CMTM7: variants seen among roughly 807,000 people sequenced by gnomAD.
The protein encoded by CMTM7 is CKLF-like MARVEL transmembrane domain-containing protein 7.
Under a neutral mutation model 19.3 loss-of-function variants are expected in CMTM7, and 7 were observed. The ratio of observed to expected loss-of-function variants is 0.36; its 90% CI spans 0.21 to 0.68. The LOEUF is 0.68. CMTM7 is among the 30% of genes least tolerant of loss of function. The probability of loss-of-function intolerance (pLI) is 0.60; values close to 1 mark genes in which losing one functional copy is unlikely to be tolerated. For missense variants in CMTM7, 193 were observed against 232.6 expected (o/e 0.83, Z 1.11); for synonymous variants, 87 against 99.3 (o/e 0.88, Z 0.74).
rs992031168 is a variant in CMTM7, at chr3:32,427,614, G to C, written c.160-14226G>C. On this transcript the variant is annotated intron_variant, in intron 1 of 4. Coordinates refer to ENST00000334983, the MANE Select transcript of CMTM7 (RefSeq NM_138410.4). ...ACTAGCCCATTATAAAGGCTTAGTA[G>C]TCACAGGAGGCCATGGGCTGCCATA... 4.7e-4 allele frequency among the ~76,000 whole-genome samples: 71 copies of C among 152,328 alleles called. 1 individual carries two copies. The highest frequency in any genetic ancestry group is 1.7e-3 in the African/African-American group (70 of 41,572).
At chr3:32,425,506 AT>A (rs906556841) in intron 1 of CMTM7, among the ~76,000 whole-genome samples, 4 of 147,046 alleles carry the variant, frequency 2.7e-5, no homozygotes, top group Non-Finnish European at 4.5e-5. Context: ...AAAAAAAAAA[AT>A]AAAAGAGCAT....
intron 1 of CMTM7, among the ~76,000 whole-genome samples, chr3:32,400,380 CT>C (rs1014352592): frequency 7.2e-6 from 1 of 138,012 alleles, no homozygotes; most frequent in African/African-American, 2.7e-5. Context: ...AAATGCTTTT[CT>C]TTTTTTTTCT....
chr3:32,404,971 G>T (rs1696067917), intron 1 of CMTM7, among the ~76,000 whole-genome samples: 1 of 152,234 alleles, frequency 6.6e-6, no homozygotes, highest in African/African-American at 2.4e-5. Context: ...CTCTGAAGAA[G>T]TGAACTGCCT....
chr3:32,440,070 TACACACAC>T lies in CMTM7; in HGVS notation c.160-1741_160-1734del, dbSNP rs10526471. Among the ~76,000 whole-genome samples, 1,362 of 150,154 alleles carry T rather than the reference TACACACAC, an allele frequency of 9.1e-3. 18 individuals carry two copies. The highest frequency in any genetic ancestry group is 0.025 in the African/African-American group (1,036 of 40,802). ...CACCCATACACTAACACCACACGCA[TACACACAC>T]ACACACACACACACACACACACACA... On this transcript the variant is annotated intron_variant, in intron 1 of 4. Coordinates refer to ENST00000334983, the MANE Select transcript of CMTM7 (RefSeq NM_138410.4).
At chr3:32,395,827 T>C (rs1173333198) in intron 1 of CMTM7, among the ~76,000 whole-genome samples, 6 of 152,256 alleles carry the variant, frequency 3.9e-5, no homozygotes, top group East Asian at 1.9e-4. Flanking sequence ...CACATTCATA[T>C]GTGTTCATAA....
chr3:32,442,042 G>T (rs201703800), intron 2 of CMTM7, 29 bp downstream of exon 2: 39 of 1,603,444 alleles, frequency 2.4e-5, no homozygotes, highest in Non-Finnish European at 3.1e-5. Flanking sequence ...CCTGTCCTCC[G>T]CATGCACAAG....
chr3:32,435,388 G>A (rs1696583474), intron 1 of CMTM7, among the ~76,000 whole-genome samples: 1 of 152,086 alleles, frequency 6.6e-6, no homozygotes, highest in Admixed American at 6.5e-5. Flanking sequence ...TGGGCGACTG[G>A]GAGAGACTCC....
At chr3:32,395,250 C>T (rs1401695722) in intron 1 of CMTM7, among the ~76,000 whole-genome samples, 2 of 152,156 alleles carry the variant, frequency 1.3e-5, no homozygotes, top group Admixed American at 1.3e-4. Flanking sequence ...AGGGATCTGT[C>T]CACCTCGGCC....
chr3:32,453,073 C>T (rs1454080316), intron 4 of CMTM7, among the ~76,000 whole-genome samples: 1 of 151,410 alleles, frequency 6.6e-6, no homozygotes, highest in Non-Finnish European at 1.5e-5. Context: ...ACCCAGCCAG[C>T]TTTTTCTTAA....
chr3:32,399,127 A>C (rs143705350), intron 1 of CMTM7, among the ~76,000 whole-genome samples: 314 of 152,302 alleles, frequency 2.1e-3, no homozygotes, highest in Non-Finnish European at 3.6e-3. Context: ...GGGTCTGCCA[A>C]ATCTTGGTGA....
rs139474650 is a variant in CMTM7 at position 32,432,223 on chromosome 3, T to C, written c.160-9617T>C. 2.7e-4 allele frequency among the ~76,000 whole-genome samples: 41 copies of C among 152,366 alleles called. No homozygotes were observed. The East Asian group carries it at 7.7e-3, about 29-fold the overall frequency. ...CCTGGCCACAGTTGTGAGGATTAAA[T>C]GTACCAGCATTGCACTGCCTGGTAC... On this transcript the variant is annotated intron_variant, in intron 1 of 4. Transcript: ENST00000334983.
intron 1 of CMTM7, among the ~76,000 whole-genome samples, chr3:32,431,759 C>T (rs1328990234): frequency 6.6e-6 from 1 of 152,232 alleles, no homozygotes; most frequent in African/African-American, 2.4e-5. Flanking sequence ...GAGCAAATTA[C>T]TTGACCTTGT....
intron 1 of CMTM7, among the ~76,000 whole-genome samples, chr3:32,438,700 T>C (rs777092408): frequency 6.6e-6 from 1 of 152,226 alleles, no homozygotes. Flanking sequence ...TGTTATTTCA[T>C]GAGCAAGTTT....
At chr3:32,397,666 A>C (rs1169346696) in intron 1 of CMTM7, among the ~76,000 whole-genome samples, 1 of 152,070 alleles carries the variant, frequency 6.6e-6, no homozygotes, top group Non-Finnish European at 1.5e-5. Context: ...CCCGGGAGGC[A>C]GAGGTTGCGG....
chr3:32,426,592 A>AT lies in CMTM7; in HGVS notation c.160-15238dup, dbSNP rs371507258. The stretch of plus-strand genomic sequence containing the variant: ...GGTGGAGTTACAACTTCTATGCCTG[A>AT]TTTTTTTTTTCTTTGCTAGGTGAAC... On this transcript the variant is annotated intron_variant, in intron 1 of 4. Transcript: ENST00000334983. Among the ~76,000 whole-genome samples, 1,470 of 149,750 alleles carry AT rather than the reference A, an allele frequency of 9.8e-3. 27 individuals carry two copies. Among genetic ancestry groups the AT allele is most frequent in the African/African-American group, 0.034 (1,380 of 40,804 alleles).
chr3:32,395,774 C>T (rs906746056), intron 1 of CMTM7, among the ~76,000 whole-genome samples: 1 of 152,198 alleles, frequency 6.6e-6, no homozygotes, highest in Non-Finnish European at 1.5e-5. Context: ...CTACTCCCAG[C>T]TCTACCCAAG....
chr3:32,416,861 G>T (rs1225302323), intron 1 of CMTM7, among the ~76,000 whole-genome samples: 1 of 152,148 alleles, frequency 6.6e-6, no homozygotes, highest in Non-Finnish European at 1.5e-5. Flanking sequence ...GAAATGAAGT[G>T]AACTTTTTAC....
At chr3:32,402,017 T>C (rs1696015454) in intron 1 of CMTM7, among the ~76,000 whole-genome samples, 1 of 152,224 alleles carries the variant, frequency 6.6e-6, no homozygotes, top group Non-Finnish European at 1.5e-5. Flanking sequence ...CTCTTCCTTT[T>C]CCTGGGGCAG....
At chr3:32,416,495 A>G (rs1696268658) in intron 1 of CMTM7, among the ~76,000 whole-genome samples, 1 of 122,428 alleles carries the variant, frequency 8.2e-6, no homozygotes, top group African/African-American at 3.1e-5. Context: ...GGTTCACTCC[A>G]TTCTCCTGCC....
Sources: gnomAD v4.1 joint callset for allele counts (sites outside exome capture counted in the v4.1 genomes callset) on GRCh38, gnomAD v4.1.1 for gene constraint, MANE v1.5 for transcripts, NCBI Gene and HGNC (gene_info 2026-07-23, HGNC 2026-07-21) for gene names.